Variants in RBFOX1 observed in about 807,000 individuals in gnomAD.
RBFOX1 encodes RNA binding fox-1 homolog 1, also known as RNA binding protein fox-1 homolog 1.
Under a neutral mutation model 57.7 loss-of-function variants are expected in RBFOX1, and 8 were observed. The observed-to-expected ratio is 0.14, with a 90% confidence interval of 0.08 to 0.25. The LOEUF is 0.25. Ranked by LOEUF, RBFOX1 falls within the 10% of genes least tolerant of loss-of-function variation. The pLI is 1.00. For synonymous variants in RBFOX1, 326 were observed against 222.4 expected (o/e 1.47, Z -4.15); for missense variants, 611 against 548.5 (o/e 1.11, Z -1.14).
In RBFOX1 at chr16:6,831,985, T is replaced by A. The variant is rs2092740720; in HGVS notation, c.-16+177335T>A. ...AACGGGAAGATGTTGCTAATGGGAA[T>A]ATACCGAATGGTATCACTAATTAAA... is the stretch of plus-strand genomic sequence containing the variant. On this transcript the variant is annotated intron_variant, in intron 3 of 15. Coordinates refer to ENST00000550418, the MANE Select transcript of RBFOX1 (RefSeq NM_018723.4). Among the ~76,000 whole-genome samples the A allele has an allele frequency of 2.0e-5, 3 of 152,256 alleles. 1 individual carries two copies. The highest frequency in any genetic ancestry group is 4.4e-5 in the Non-Finnish European group (3 of 68,042).
chr16:6,447,911 C>T (rs748212437), intron 2 of RBFOX1, among the ~76,000 whole-genome samples: 1 of 152,128 alleles, frequency 6.6e-6, no homozygotes, highest in Non-Finnish European at 1.5e-5. Flanking sequence ...TGACATCACA[C>T]ACGCTGTCAT....
intron 3 of RBFOX1, among the ~76,000 whole-genome samples, chr16:6,921,568 C>T (rs958734884): frequency 5.9e-5 from 9 of 151,774 alleles, no homozygotes; most frequent in Non-Finnish European, 1.0e-4. Context: ...CATAACATGG[C>T]AGCTTGCTTC....
chr16:5,856,535 GTA>G (rs1201087911), intron 3 of RBFOX1, among the ~76,000 whole-genome samples: 5,100 of 66,220 alleles, frequency 0.077, 670 homozygotes, highest in East Asian at 0.22. Context: ...TCATATATGT[GTA>G]TGTGTGTGTG....
chr16:6,013,321 A>T (rs552792220), intron 4 of RBFOX1, among the ~76,000 whole-genome samples: 51 of 152,362 alleles, frequency 3.3e-4, no homozygotes, highest in African/African-American at 1.2e-3. Context: ...CCAAGAAATT[A>T]AGAATTTTTA....
chr16:6,029,131 C>A (rs942303181), intron 1 of RBFOX1, among the ~76,000 whole-genome samples: 1 of 152,184 alleles, frequency 6.6e-6, no homozygotes, highest in Non-Finnish European at 1.5e-5. Flanking sequence ...AGCCTCTCAC[C>A]CCATGACTCT....
At chr16:6,082,930 A>G (rs142233322) in intron 1 of RBFOX1, among the ~76,000 whole-genome samples, 131 of 152,262 alleles carry the variant, frequency 8.6e-4, no homozygotes, top group African/African-American at 2.9e-3. Context: ...GACTCACCCA[A>G]TCACTGCTCT....
rs151069651 is a variant in RBFOX1 at position 6,879,631 on chromosome 16, T to G, written c.-15-172426T>G. On this transcript the variant is annotated intron_variant, in intron 3 of 15. Coordinates refer to ENST00000550418, the MANE Select transcript of RBFOX1 (RefSeq NM_018723.4). ...AAACATCAATATGTCATGCGATGTTTTAGGAGCTTCAAGTAAGGTCCAGTT... is the reference window on the plus strand; with the variant it reads ...AAACATCAATATGTCATGCGATGTTGTAGGAGCTTCAAGTAAGGTCCAGTT... 6.7e-3 allele frequency among the ~76,000 whole-genome samples: 1,027 copies of G among 152,348 alleles called. 10 individuals are homozygous for G. The highest frequency in any genetic ancestry group is 0.023 in the African/African-American group (973 of 41,576).
chr16:6,663,300 G>C (rs889427172), intron 3 of RBFOX1, among the ~76,000 whole-genome samples: 1 of 152,194 alleles, frequency 6.6e-6, no homozygotes, highest in East Asian at 1.9e-4. Flanking sequence ...TATATAGTTT[G>C]CTGCCGTGAG....
intron 4 of RBFOX1, chr16:7,333,115 A>AACTTAACTCC: frequency 6.3e-7 from 1 of 1,596,798 alleles, no homozygotes; most frequent in African/African-American, 1.3e-5. Flanking sequence ...GCCAGCCAGC[A>AACTTAACTCC]ACTTAACTCC....
chr16:6,233,397 C>G (rs994973856), intron 1 of RBFOX1, among the ~76,000 whole-genome samples: 1 of 151,992 alleles, frequency 6.6e-6, no homozygotes, highest in African/African-American at 2.4e-5. Flanking sequence ...GGGGATCTGA[C>G]GAACCCCTGC....
intron 3 of RBFOX1, among the ~76,000 whole-genome samples, chr16:6,751,281 C>T (rs909101208): frequency 6.6e-6 from 1 of 152,022 alleles, no homozygotes; most frequent in Admixed American, 6.6e-5. Flanking sequence ...GAGTAGGTGG[C>T]TAAGGAGGAA....
chr16:6,947,733 G>C (rs2079848151), intron 3 of RBFOX1, among the ~76,000 whole-genome samples: 1 of 152,148 alleles, frequency 6.6e-6, no homozygotes, highest in Non-Finnish European at 1.5e-5. Flanking sequence ...CGTTTACTTA[G>C]GTGGCTTTCT....
intron 3 of RBFOX1, among the ~76,000 whole-genome samples, chr16:6,792,268 T>C (rs745668702): frequency 2.6e-5 from 4 of 152,214 alleles, no homozygotes; most frequent in Non-Finnish European, 5.9e-5. Flanking sequence ...GTAAGAATTG[T>C]GAAGATTACA....
chr16:6,135,177 C>T (rs1247983292), intron 1 of RBFOX1, among the ~76,000 whole-genome samples: 1 of 152,156 alleles, frequency 6.6e-6, no homozygotes, highest in East Asian at 1.9e-4. Context: ...TCAGTTCTGA[C>T]TGGCTAAGCA....
At chr16:7,316,086 A>G (rs2096432270) in intron 4 of RBFOX1, among the ~76,000 whole-genome samples, 1 of 152,216 alleles carries the variant, frequency 6.6e-6, no homozygotes. Context: ...ATCAGTTTCC[A>G]AAAAAATAAA....
chr16:6,907,191 T>G (rs7200656), intron 3 of RBFOX1, among the ~76,000 whole-genome samples: 1 of 151,956 alleles, frequency 6.6e-6, no homozygotes, highest in African/African-American at 2.4e-5. Context: ...TCCTGGCATC[T>G]GTAGGGCAGG....
intron 2 of RBFOX1, among the ~76,000 whole-genome samples, chr16:6,477,996 T>C (rs2095300622): frequency 6.6e-6 from 1 of 152,104 alleles, no homozygotes. Flanking sequence ...CTCCATAGAA[T>C]TCAAGAGGAT....
At chr16:5,955,283 CAATAA>C (rs1168606127) in intron 4 of RBFOX1, among the ~76,000 whole-genome samples, 213 of 111,590 alleles carry the variant, frequency 1.9e-3, no homozygotes, top group Non-Finnish European at 2.4e-3. Context: ...CTCTGTCTCC[CAATAA>C]AATAAAATAA....
intron 4 of RBFOX1, among the ~76,000 whole-genome samples, chr16:5,952,424 T>A (rs931666671): frequency 6.6e-6 from 1 of 152,130 alleles, no homozygotes. Context: ...TAGCTGGGAT[T>A]ATAGTCGTGT....
Sources: gnomAD v4.1 joint callset for allele counts (sites outside exome capture counted in the v4.1 genomes callset) on GRCh38, gnomAD v4.1.1 for gene constraint, MANE v1.5 for transcripts, NCBI Gene and HGNC (gene_info 2026-07-23, HGNC 2026-07-21) for gene names.